Variants in CNTNAP5 observed in about 807,000 individuals in gnomAD.
CNTNAP5 encodes contactin-associated protein-like 5.
CNTNAP5 carries 72 observed loss-of-function variants against 150.2 expected under a neutral mutation model. The observed-to-expected ratio is 0.48, with a 90% CI of 0.40 to 0.58. The LOEUF is 0.58. Among genes scored for constraint, CNTNAP5 ranks in the 20% least tolerant of loss-of-function variants. The pLI is 0.00. For synonymous variants in CNTNAP5, 672 were observed against 619.8 expected, an observed-to-expected ratio of 1.08 and a Z score of -1.25; for missense variants, 1,636 against 1,626.2, an observed-to-expected ratio of 1.01 and a Z score of -0.10.
At chr2:124,791,891 T>C (rs1424024870) in intron 18 of CNTNAP5, among the ~76,000 whole-genome samples, 1 of 152,290 alleles carries the variant, frequency 6.6e-6, no homozygotes, top group South Asian at 2.1e-4. Context: ...ATTTCCAAAC[T>C]GTTCATTCTT....
chr2:124,078,300 A>G (rs1468052565), intron 1 of CNTNAP5, among the ~76,000 whole-genome samples: 1 of 152,156 alleles, frequency 6.6e-6, no homozygotes, highest in East Asian at 1.9e-4. Context: ...ACATCTGTAA[A>G]TGTATTTTGT....
chr2:124,636,218 C>T lies in CNTNAP5; in HGVS notation c.1877-11540C>T, dbSNP rs78573091. Among the ~76,000 whole-genome samples the T allele has an allele frequency of 3.4e-3, 522 of 152,298 alleles. 1 individual carries two copies. Among genetic ancestry groups the T allele is most frequent in the Non-Finnish European group, 6.2e-3 (423 of 68,034 alleles). On this transcript the variant is annotated intron_variant, in intron 12 of 23. Transcript: ENST00000682447. ...TGACTTAGTTGAGTTACCCAGCCTC[C>T]TTATACCTCAGTTTCTTCCTTTATA...
intron 17 of CNTNAP5, among the ~76,000 whole-genome samples, chr2:124,788,085 G>T (rs1681637246): frequency 6.6e-6 from 1 of 152,140 alleles, no homozygotes; most frequent in Non-Finnish European, 1.5e-5. Flanking sequence ...TGAGCCTGAA[G>T]ATTTGAAACA....
rs747166844 is a variant in CNTNAP5, at chr2:124,706,746, CAAGAAGAAGAAGAAGAAGAAG to C, written c.2078-40452_2078-40432del. ...TGAGTGACAGAGTGAGACTCTGTTT[CAAGAAGAAGAAGAAGAAGAAG>C]AAGAAGAAGAAGAAGAAGAAGAAGA... On this transcript the variant is annotated intron_variant, in intron 13 of 23. Coordinates refer to ENST00000682447, the MANE Select transcript of CNTNAP5 (RefSeq NM_001367498.1). Among the ~76,000 whole-genome samples the C allele has an allele frequency of 2.7e-3, 141 of 52,208 alleles. 19 individuals carry two copies. The highest frequency in any genetic ancestry group is 0.029 in the Middle Eastern group (2 of 68). The allele number at this position is 52,208 out of a possible 152,430, so 34.3% of individuals were successfully genotyped here. A position where few individuals can be genotyped will look rare whatever the true frequency, so the allele number is the denominator to read the frequency against.
chr2:124,046,728 T>G (rs1314260197), intron 1 of CNTNAP5, among the ~76,000 whole-genome samples: 1 of 151,646 alleles, frequency 6.6e-6, no homozygotes, highest in Admixed American at 6.6e-5. Flanking sequence ...GACAATTGGG[T>G]TTTTAATGCC....
At chr2:124,718,872 G>A (rs986175646) in intron 13 of CNTNAP5, among the ~76,000 whole-genome samples, 2 of 151,922 alleles carry the variant, frequency 1.3e-5, no homozygotes, top group African/African-American at 4.8e-5. Flanking sequence ...TTGAACCTGG[G>A]AGGCAGTGGT....
chr2:124,712,934 C>T (rs572286836), intron 13 of CNTNAP5, among the ~76,000 whole-genome samples: 2 of 152,112 alleles, frequency 1.3e-5, no homozygotes, highest in South Asian at 4.2e-4. Flanking sequence ...TTATAAAGGG[C>T]ACTGATCCCA....
At chr2:124,704,610 A>T (rs1360632228) in intron 13 of CNTNAP5, among the ~76,000 whole-genome samples, 5 of 152,224 alleles carry the variant, frequency 3.3e-5, no homozygotes, top group African/African-American at 1.2e-4. Flanking sequence ...GTTTAATGTT[A>T]TATCAACTCT....
At chr2:124,327,526 C>A (rs183002118) in intron 3 of CNTNAP5, among the ~76,000 whole-genome samples, 1 of 152,238 alleles carries the variant, frequency 6.6e-6, no homozygotes, top group East Asian at 1.9e-4. Flanking sequence ...AACATCAACA[C>A]AGACCTTAAA....
chr2:124,466,610 G>C (rs1018536206), intron 6 of CNTNAP5, among the ~76,000 whole-genome samples: 1 of 152,158 alleles, frequency 6.6e-6, no homozygotes, highest in Admixed American at 6.6e-5. Context: ...GTTTCTAAGA[G>C]TTGGTAACAG....
At chr2:124,395,226 A>G (rs1691216041) in intron 3 of CNTNAP5, among the ~76,000 whole-genome samples, 1 of 152,204 alleles carries the variant, frequency 6.6e-6, no homozygotes. Context: ...ATCAAGTACC[A>G]TGAGAGATGG....
intron 6 of CNTNAP5, among the ~76,000 whole-genome samples, chr2:124,455,569 A>G (rs1693099869): frequency 6.6e-6 from 1 of 152,164 alleles, no homozygotes. Flanking sequence ...CATTCTATGA[A>G]GCCAATATCA....
At chr2:124,229,756 C>A (rs1413014105) in intron 2 of CNTNAP5, among the ~76,000 whole-genome samples, 1 of 151,938 alleles carries the variant, frequency 6.6e-6, no homozygotes, top group Non-Finnish European at 1.5e-5. Flanking sequence ...TGGTATATAG[C>A]ATGAAGCCAC....
intron 3 of CNTNAP5, among the ~76,000 whole-genome samples, chr2:124,403,450 T>G (rs1003033621): frequency 1.3e-5 from 2 of 152,206 alleles, no homozygotes; most frequent in African/African-American, 4.8e-5. Flanking sequence ...AAAAGTTTTT[T>G]TTATGTTTCT....
chr2:124,186,222 C>G (rs1369157192), intron 1 of CNTNAP5, among the ~76,000 whole-genome samples: 1 of 152,206 alleles, frequency 6.6e-6, no homozygotes, highest in Non-Finnish European at 1.5e-5. Flanking sequence ...TCATATTTGT[C>G]TGTGTACGTG....
chr2:124,719,048 A>T (rs540370500), intron 13 of CNTNAP5, among the ~76,000 whole-genome samples: 1 of 152,146 alleles, frequency 6.6e-6, no homozygotes, highest in Non-Finnish European at 1.5e-5. Context: ...CAGAACACTG[A>T]GTGCCTCTTC....
intron 22 of CNTNAP5, 49 bp from the exon 23 acceptor site, chr2:124,911,418 C>A: frequency 7.1e-7 from 1 of 1,403,006 alleles, no homozygotes; most frequent in Non-Finnish European, 9.9e-7. Flanking sequence ...AGGCTTCTTG[C>A]CAGTGCTTTG....
At chr2:124,301,287 C>T (rs181145772) in intron 3 of CNTNAP5, among the ~76,000 whole-genome samples, 12 of 152,278 alleles carry the variant, frequency 7.9e-5, no homozygotes, top group African/African-American at 2.6e-4. Flanking sequence ...TAGTATCGAT[C>T]AACGTGTTAA....
intron 11 of CNTNAP5, 58 bp downstream of exon 11, chr2:124,563,381 G>T (rs534010559): frequency 8.2e-6 from 8 of 980,950 alleles, no homozygotes; most frequent in Non-Finnish European, 1.3e-5. Context: ...GAACACCATT[G>T]TTAACTTCAG....
Sources: allele counts gnomAD v4.1 joint callset (sites outside exome capture counted in the v4.1 genomes callset), GRCh38; gene constraint gnomAD v4.1.1; transcripts MANE v1.5; gene names NCBI Gene and HGNC (gene_info 2026-07-23, HGNC 2026-07-21).